The following PRDM15 variants were observed in gnomAD, a reference collection of about 807,000 sequenced individuals.
PRDM15 encodes PR/SET domain 15.
Under a neutral mutation model 128.6 loss-of-function variants are expected in PRDM15, and 64 were observed. The observed-to-expected ratio is 0.50, with a 90% CI of 0.41 to 0.61. The LOEUF is 0.61. Ranked by LOEUF, PRDM15 falls within the 20% of genes least tolerant of loss-of-function variation. PRDM15 has a pLI of 0.00. For missense variants in PRDM15, 1,242 were observed against 1,569.1 expected (o/e 0.79, Z 3.52); for synonymous variants, 615 against 621.8 (o/e 0.99, Z 0.16).
At chr21:41,816,622 C>T (rs762119551) in intron 18 of PRDM15, among the ~76,000 whole-genome samples, 16 of 152,214 alleles carry the variant, frequency 1.1e-4, no homozygotes, top group Non-Finnish European at 7.3e-5. Context: ...AGCTGGTCAA[C>T]GGTTCCCCTG....
chr21:41,835,929 C>A (rs1347408413), intron 10 of PRDM15, among the ~76,000 whole-genome samples, 184 bp downstream of exon 10: 1 of 83,584 alleles, frequency 1.2e-5, no homozygotes, highest in South Asian at 3.7e-4. Context: ...CTCCCTCCCC[C>A]ACAGGGTTTG....
chr21:41,822,819 G>C (rs1388200719), intron 14 of PRDM15, among the ~76,000 whole-genome samples: 3 of 152,104 alleles, frequency 2.0e-5, no homozygotes, highest in African/African-American at 7.2e-5. Flanking sequence ...CGGATCACTT[G>C]AGGTCAGGAG....
intron 1 of PRDM15, among the ~76,000 whole-genome samples, chr21:41,872,699 T>C (rs976161788): frequency 6.6e-6 from 1 of 152,176 alleles, no homozygotes; most frequent in Non-Finnish European, 1.5e-5. Context: ...TTTTGTTTGC[T>C]ACCATTGTGC....
In PRDM15 at chr21:41,827,123, G is replaced by T. The variant is rs1178724827; in HGVS notation, c.1534+1043C>A. ...AACTGAGGCACAGTAGCTTGCTAAG[G>T]CTACCCAGTCACTAAGTGGAGTCCA... On this transcript the variant is annotated intron_variant, in intron 12 of 23. Coordinates refer to ENST00000398548, the MANE Select transcript of PRDM15 (RefSeq NM_001040424.3). 2.0e-5 allele frequency among the ~76,000 whole-genome samples: 3 copies of T among 152,286 alleles called. No homozygotes were observed. In the East Asian group the frequency reaches 5.8e-4, roughly 29 times the overall value.
At position 41,862,752 on chromosome 21, in the gene PRDM15, C is replaced by T. The variant is rs2063862962; in HGVS notation, c.-9-2380G>A. Reference sequence around the variant, plus strand: ...TGTCTTGGCAAAACTCCCTTTAACACTCAGAAAGTGCCTTCATAGAAGGGG... The same window carrying T: ...TGTCTTGGCAAAACTCCCTTTAACATTCAGAAAGTGCCTTCATAGAAGGGG... On this transcript the variant is annotated intron_variant, in intron 1 of 23. Coordinates refer to ENST00000398548, the MANE Select transcript of PRDM15 (RefSeq NM_001040424.3). The surrounding 1 kb of genome is among the most constrained non-coding windows in gnomAD (Gnocchi z 4.1). Among the ~76,000 whole-genome samples, 1 of 152,178 alleles carries T rather than the reference C, an allele frequency of 6.6e-6. No homozygotes were observed. The highest frequency in any genetic ancestry group is 2.1e-4 in the South Asian group (1 of 4,832).
In PRDM15 at chr21:41,857,255, A is replaced by T; in HGVS notation, c.206T>A (p.Leu69His). ...GGGACCGAACTGTGTCCGCTTGACG[A>T]GCTGAGTGATGGCGAACACCCCCTC... The part of the protein sequence containing the change: ...GAEGVFAITQ[L>H]VKRTQFGPFE... Residue 69 changes from leucine (L) to histidine (H), a missense_variant, in exon 4 of 24, where the codon CTC becomes CAC. Leu to His is a moderately conservative substitution (Grantham distance 99). This residue lies in a region of PRDM15 where 612 missense variants were observed against 717.0 expected (regional missense o/e 0.85). Transcript: ENST00000398548. The T allele has an allele frequency of 1.9e-6, 3 of 1,613,910 alleles. No individual in the cohort carries two copies. Among genetic ancestry groups the T allele is most frequent in the Non-Finnish European group, 2.5e-6 (3 of 1,179,990 alleles).
chr21:41,813,820 C>T (rs1176793820), intron 19 of PRDM15: 3 of 144,878 alleles, frequency 2.1e-5, no homozygotes, highest in Non-Finnish European at 4.5e-5. Flanking sequence ...GCAGGCTGCT[C>T]TAGAGTTTTA....
Position 41,839,544 on chromosome 21 carries a change from GC to G in PRDM15, c.871+78del, listed in dbSNP as rs1001761786. On this transcript the variant is annotated intron_variant, in intron 7 of 23. Coordinates refer to ENST00000398548, the MANE Select transcript of PRDM15 (RefSeq NM_001040424.3). ...ACTGAGTTTTCCCGCCCCGCCCTCT[GC>G]CCCCTGCCCCGCCAGCCCTCGGGCG... 6 of 1,091,480 alleles carry G rather than the reference GC, an allele frequency of 5.5e-6. No homozygotes were observed. The African/African-American group carries it at 6.3e-5, about 11-fold the overall frequency. The allele number at this position is 1,091,480 out of a possible 1,614,324, so 67.6% of individuals were successfully genotyped here.
chr21:41,861,685 G>A (rs1298773912), intron 1 of PRDM15: 1 of 1,614,164 alleles, frequency 6.2e-7, no homozygotes, highest in Admixed American at 1.7e-5. Context: ...ATCCCCAGCA[G>A]CTTGAAGGGT....
chr21:41,870,523 C>T (rs1313284072), intron 1 of PRDM15: 1 of 152,204 alleles, frequency 6.6e-6, no homozygotes, highest in Admixed American at 6.5e-5. Flanking sequence ...GCCGCAGAAC[C>T]ATCCTGAAAA....
At chr21:41,853,761 G>T (rs189239684) in intron 5 of PRDM15, among the ~76,000 whole-genome samples, 1 of 152,120 alleles carries the variant, frequency 6.6e-6, no homozygotes, top group Non-Finnish European at 1.5e-5. Context: ...CTTTGAACAC[G>T]CATGCACACA....
chr21:41,808,873 G>A (rs1420615596), intron 21 of PRDM15, among the ~76,000 whole-genome samples: 1 of 152,218 alleles, frequency 6.6e-6, no homozygotes, highest in African/African-American at 2.4e-5. Flanking sequence ...TGGAATAGGG[G>A]TTGGAATAAC....
At chr21:41,866,147 A>G (rs1004050842) in intron 1 of PRDM15, among the ~76,000 whole-genome samples, 3 of 152,230 alleles carry the variant, frequency 2.0e-5, no homozygotes, top group Admixed American at 1.3e-4. Flanking sequence ...TATGTATAAG[A>G]GAGCCCTGAT....
chr21:41,835,381 G>A (rs1220239150), intron 11 of PRDM15, 56 bp downstream of exon 11: 33 of 1,399,106 alleles, frequency 2.4e-5, no homozygotes, highest in Non-Finnish European at 3.2e-5. Flanking sequence ...TCTCCGCGGC[G>A]TATCTAGAAT....
intron 1 of PRDM15, among the ~76,000 whole-genome samples, chr21:41,876,379 C>T (rs2146068509): frequency 6.6e-6 from 1 of 152,148 alleles, no homozygotes; most frequent in East Asian, 1.9e-4. Context: ...GAGACGGGAG[C>T]AGAAGGGGCT....
chr21:41,847,968 C>G (rs937846485), intron 5 of PRDM15, among the ~76,000 whole-genome samples: 5 of 152,214 alleles, frequency 3.3e-5, no homozygotes, highest in African/African-American at 1.2e-4. Context: ...CTTGTGCAAC[C>G]TACAATTGGG....
At chr21:41,838,244 G>A (rs6586335) in intron 7 of PRDM15, among the ~76,000 whole-genome samples, 181 bp from the exon 8 acceptor site, 85,076 of 151,984 alleles carry the variant, frequency 0.56, 24,104 homozygotes, top group Admixed American at 0.64. Flanking sequence ...ACATTTACTA[G>A]TACAAACAGA....
chr21:41,820,298 A>C (rs555433605), intron 16 of PRDM15, 124 bp from the exon 17 acceptor site: 54 of 720,116 alleles, frequency 7.5e-5, no homozygotes, highest in Admixed American at 1.5e-4. Context: ...ATGATAAAAG[A>C]AGCAGATATT....
rs1281463719 is a variant in PRDM15 at position 41,799,474 on chromosome 21, T to C, written c.*1766A>G. On this transcript the variant is annotated 3_prime_UTR_variant, in exon 24 of 24. Coordinates refer to ENST00000398548, the MANE Select transcript of PRDM15 (RefSeq NM_001040424.3). ...AAGTCAAATGATCTCCCACTATTCA[T>C]TCAACTGAGAGGTGAGAGCTAGGCG... is the stretch of plus-strand genomic sequence containing the variant. 3 of 152,180 alleles carry C rather than the reference T, an allele frequency of 2.0e-5. No individual in the cohort carries two copies. The highest frequency in any genetic ancestry group is 4.4e-5 in the Non-Finnish European group (3 of 68,030). The allele number at this position is 152,180 out of a possible 1,614,324, so 9.4% of individuals were successfully genotyped here.
Sources: gnomAD v4.1 joint callset for allele counts (sites outside exome capture counted in the v4.1 genomes callset) on GRCh38, gnomAD v4.1.1 for gene constraint, gnomAD v4.1.1 regional missense constraint, Gnocchi (gnomAD v3.1) non-coding constraint, MANE v1.5 for transcripts, NCBI Gene and HGNC (gene_info 2026-07-23, HGNC 2026-07-21) for gene names.